IMPG2: variants seen among roughly 807,000 people sequenced by gnomAD.
IMPG2 encodes IPM 200.
IMPG2 carries 91 observed loss-of-function variants against 129.2 expected under a neutral mutation model. That is an observed-to-expected ratio of 0.70 (90% CI 0.59 to 0.84). The LOEUF (loss-of-function observed/expected upper bound fraction) is 0.84. IMPG2 is among the 40% of genes least tolerant of loss of function. The pLI is 0.00. For missense variants in IMPG2, 1,430 were observed against 1,461.7 expected, an observed-to-expected ratio of 0.98 and a Z score of 0.35; for synonymous variants, 510 against 517.7, an observed-to-expected ratio of 0.99 and a Z score of 0.20.
chr3:101,262,357 CAGAG>C (rs145890542), intron 9 of IMPG2, among the ~76,000 whole-genome samples: 1 of 151,584 alleles, frequency 6.6e-6, no homozygotes, highest in Non-Finnish European at 1.5e-5. Flanking sequence ...TAAATGCTTA[CAGAG>C]AGAGAGAGAA....
intron 2 of IMPG2, among the ~76,000 whole-genome samples, chr3:101,310,143 T>C (rs1167346960): frequency 1.3e-5 from 2 of 152,206 alleles, no homozygotes; most frequent in East Asian, 1.9e-4. Context: ...GATTTATGCA[T>C]TTCACTCTGT....
chr3:101,268,978 C>T (rs1706749552), intron 8 of IMPG2, among the ~76,000 whole-genome samples: 1 of 152,162 alleles, frequency 6.6e-6, no homozygotes. Context: ...TGTGGCATAC[C>T]CAACACAAAG....
At chr3:101,249,066 C>T (rs1360173876) in intron 11 of IMPG2, among the ~76,000 whole-genome samples, 1 of 152,220 alleles carries the variant, frequency 6.6e-6, no homozygotes, top group Non-Finnish European at 1.5e-5. Flanking sequence ...GTGCTTCTCC[C>T]TCCACAATTA....
At chr3:101,233,624 G>A (rs1468017189) in intron 14 of IMPG2, among the ~76,000 whole-genome samples, 1 of 152,182 alleles carries the variant, frequency 6.6e-6, no homozygotes, top group African/African-American at 2.4e-5. Context: ...TTCATTGATA[G>A]GGTGAGGGAA....
chr3:101,241,990 T>G (rs1043468992), intron 14 of IMPG2, among the ~76,000 whole-genome samples: 4 of 151,322 alleles, frequency 2.6e-5, no homozygotes, highest in Non-Finnish European at 5.9e-5. Context: ...GGTCACACCA[T>G]TACACTCCAG....
chr3:101,231,029 G>T lies in IMPG2; in HGVS notation c.3350C>A (p.Ser1117Tyr). 3 of 1,614,078 alleles carry T rather than the reference G, an allele frequency of 1.9e-6. No individual in the cohort carries two copies. Among genetic ancestry groups the T allele is most frequent in the South Asian group, 1.1e-5 (1 of 91,088 alleles). The change falls in exon 16 of 19, where the codon TCT (serine) becomes TAT (tyrosine). Residue 1117 changes from serine (S) to tyrosine (Y), a missense_variant. Physicochemically the swap from Ser to Tyr is moderately radical, Grantham distance 144. Coordinates refer to ENST00000193391, the MANE Select transcript of IMPG2 (RefSeq NM_016247.4). ...CCTGATGAAGAAGTAGATGATAGCAGAAAAGATGACAAGAAGTCCAACCAC... is the reference window on the plus strand; with the variant it reads ...CCTGATGAAGAAGTAGATGATAGCATAAAAGATGACAAGAAGTCCAACCAC... Reference protein sequence around the residue: ...ASVVGLLVIFSAIIYFFIRTL... With the variant: ...ASVVGLLVIFYAIIYFFIRTL...
intron 2 of IMPG2, among the ~76,000 whole-genome samples, chr3:101,311,864 A>G (rs1441257686): frequency 6.6e-6 from 1 of 152,188 alleles, no homozygotes; most frequent in Non-Finnish European, 1.5e-5. Context: ...TCAATGGAAT[A>G]CAATTGAGAG....
At chr3:101,235,846 A>C (rs2107211002) in intron 14 of IMPG2, among the ~76,000 whole-genome samples, 1 of 152,328 alleles carries the variant, frequency 6.6e-6, no homozygotes, top group East Asian at 1.9e-4. Flanking sequence ...GAAAAATGAG[A>C]GTAGAGGAAA....
intron 2 of IMPG2, among the ~76,000 whole-genome samples, chr3:101,312,358 C>T (rs1707271166): frequency 6.6e-6 from 1 of 151,704 alleles, no homozygotes; most frequent in African/African-American, 2.4e-5. Context: ...TAAAAATGGG[C>T]AAAGTTCTGA....
chr3:101,248,928 T>C (rs1005585191), intron 11 of IMPG2, among the ~76,000 whole-genome samples: 1 of 152,152 alleles, frequency 6.6e-6, no homozygotes, highest in Admixed American at 6.5e-5. Flanking sequence ...CCTGCTCCCT[T>C]GCATTTGTTT....
At chr3:101,269,854 C>T (rs144323560) in intron 7 of IMPG2, among the ~76,000 whole-genome samples, 38 of 151,286 alleles carry the variant, frequency 2.5e-4, no homozygotes, top group Middle Eastern at 6.8e-3. Context: ...CACTGTTTTT[C>T]CCTTATGTGA....
chr3:101,297,615 T>C (rs1057015561), intron 3 of IMPG2, among the ~76,000 whole-genome samples: 1 of 152,240 alleles, frequency 6.6e-6, no homozygotes, highest in Non-Finnish European at 1.5e-5. Context: ...TTCTCATTGG[T>C]TTCAAATAAC....
rs201595477 is a variant in IMPG2, at chr3:101,229,434, C to T, written c.3579G>A (p.Gly1193=). ...YSSASGDVIG[G]LSREEIRQMY... is the part of the protein sequence containing the mutation. ...TCTGTCTGATTTCTTCTCTGCTCAG[C>T]CCACCAATCACGTCTCCGCTAGCAG... Residue 1193 remains glycine (G), a synonymous_variant, in exon 17 of 19, where the codon GGG becomes GGA. Transcript: ENST00000193391. 92 of 1,612,568 alleles carry T rather than the reference C, an allele frequency of 5.7e-5. No homozygotes were observed. The Middle Eastern group carries it at 8.0e-4, about 14-fold the overall frequency.
chr3:101,304,678 C>T (rs573267170), intron 2 of IMPG2, among the ~76,000 whole-genome samples: 221 of 152,078 alleles, frequency 1.5e-3, no homozygotes, highest in Non-Finnish European at 2.6e-3. Flanking sequence ...TTTCAGTTTC[C>T]TTAATGTTTG....
At chr3:101,251,055 T>C (rs186011133) in intron 11 of IMPG2, among the ~76,000 whole-genome samples, 1 of 152,318 alleles carries the variant, frequency 6.6e-6, no homozygotes, top group East Asian at 1.9e-4. Context: ...GCTACTCATA[T>C]ATTCTTGCAA....
At chr3:101,243,297 C>G (rs1042411643) in intron 13 of IMPG2, among the ~76,000 whole-genome samples, 2 of 152,202 alleles carry the variant, frequency 1.3e-5, no homozygotes, top group African/African-American at 4.8e-5. Flanking sequence ...GGAAAACAAT[C>G]TTCCTTGTAA....
At chr3:101,273,863 A>G in intron 6 of IMPG2, 121 bp from the exon 7 acceptor site, 1 of 998,628 alleles carries the variant, frequency 1.0e-6, no homozygotes, top group East Asian at 2.6e-5. Context: ...TAATCTTATT[A>G]TTTCGTATTT....
Position 101,246,098 on chromosome 3 carries a change from G to C in IMPG2, c.1247C>G (p.Thr416Ser). 1 of 1,613,882 alleles carries C rather than the reference G, an allele frequency of 6.2e-7. No individual in the cohort carries two copies. The highest frequency in any genetic ancestry group is 1.1e-5 in the South Asian group (1 of 91,072). Residue 416 changes from threonine to serine, a missense_variant, in exon 12 of 19, where the codon ACC becomes AGC. Coordinates refer to ENST00000193391, the MANE Select transcript of IMPG2 (RefSeq NM_016247.4). ...QATPSSILDN[T>S]FQAAWPSADE... ...TGCTGAGGGCCATGCAGCTTGAAAG[G>C]TATTATCCTGGGGGGAAAAAAAGGC...
At chr3:101,268,186 T>C (rs1706742177) in intron 8 of IMPG2, among the ~76,000 whole-genome samples, 1 of 152,210 alleles carries the variant, frequency 6.6e-6, no homozygotes, top group Non-Finnish European at 1.5e-5. Flanking sequence ...AGGTAAATTG[T>C]CTTTTTTATA....
Sources: allele counts gnomAD v4.1 joint callset (sites outside exome capture counted in the v4.1 genomes callset), GRCh38; gene constraint gnomAD v4.1.1; transcripts MANE v1.5; gene names NCBI Gene and HGNC (gene_info 2026-07-23, HGNC 2026-07-21).